CACNA1C: variants seen among roughly 807,000 people sequenced by gnomAD.
CACNA1C encodes the protein voltage-dependent L-type calcium channel subunit alpha-1C.
A neutral mutation model predicts 229.0 loss-of-function variants in CACNA1C; 30 were observed. The ratio of observed to expected loss-of-function variants is 0.13; its 90% confidence interval spans 0.10 to 0.18. The LOEUF (loss-of-function observed/expected upper bound fraction) is 0.18. Ranked by LOEUF, CACNA1C falls within the 10% of genes least tolerant of loss-of-function variation. The pLI is 1.00. For synonymous variants in CACNA1C, 1,114 were observed against 1,132.5 expected, an observed-to-expected ratio of 0.98 and a Z score of 0.33; for missense variants, 1,658 against 2,845.0, an observed-to-expected ratio of 0.58 and a Z score of 9.49.
intron 3 of CACNA1C, among the ~76,000 whole-genome samples, chr12:2,258,999 A>G (rs1318911231): frequency 1.3e-5 from 2 of 152,236 alleles, no homozygotes; most frequent in Non-Finnish European, 2.9e-5. Flanking sequence ...GAATTACACT[A>G]GTGAGTTCAG....
At chr12:2,148,325 T>C (rs1199888597) in intron 3 of CACNA1C, among the ~76,000 whole-genome samples, 7 of 151,278 alleles carry the variant, frequency 4.6e-5, no homozygotes, top group South Asian at 2.1e-4. Context: ...ATCCCACTTA[T>C]GGGCAAGAGG....
intron 1 of CACNA1C, among the ~76,000 whole-genome samples, chr12:2,065,293 T>C (rs1398711067): frequency 2.0e-5 from 3 of 152,256 alleles, no homozygotes; most frequent in Non-Finnish European, 4.4e-5. Context: ...TTTTGACCTA[T>C]GCCCAGCTGT....
At chr12:2,450,509 A>C (rs185783209) in intron 4 of CACNA1C, among the ~76,000 whole-genome samples, 16 of 128,764 alleles carry the variant, frequency 1.2e-4, no homozygotes, top group East Asian at 7.7e-4. Flanking sequence ...AGCCGAGATC[A>C]TGCCACTGCA....
intron 9 of CACNA1C, among the ~76,000 whole-genome samples, chr12:2,526,833 G>C (rs945244438): frequency 6.6e-6 from 1 of 152,140 alleles, no homozygotes; most frequent in Non-Finnish European, 1.5e-5. Context: ...AAAAATACAC[G>C]TCCATTGCAA....
chr12:2,603,246 C>A (rs1461589709), intron 22 of CACNA1C: 2 of 152,176 alleles, frequency 1.3e-5, no homozygotes, highest in Non-Finnish European at 2.9e-5. Context: ...TAAATCCCTT[C>A]CATTGTGATT....
chr12:2,154,984 G>A lies in CACNA1C; in HGVS notation c.477+34554G>A, dbSNP rs564216798. ...AAGCGGCCCATCCTGCCGTCCTAGAGTATAGGTGCCGTCTATCTCTGTGTG... is the reference window on the plus strand; with the variant it reads ...AAGCGGCCCATCCTGCCGTCCTAGAATATAGGTGCCGTCTATCTCTGTGTG... On this transcript the variant is annotated intron_variant, in intron 3 of 46. Transcript: ENST00000399655. Among the ~76,000 whole-genome samples, 4 of 152,318 alleles carry A rather than the reference G, an allele frequency of 2.6e-5. No homozygotes were observed. The East Asian group carries it at 7.7e-4, about 29-fold the overall frequency.
chr12:2,152,064 A>C lies in CACNA1C; in HGVS notation c.477+31634A>C, dbSNP rs112172295. ...AAACTTGAAACTCAGTCTCATTGCTATTTGTGGTAATGGTCATTTAGTTTC... is the reference window on the plus strand; with the variant it reads ...AAACTTGAAACTCAGTCTCATTGCTCTTTGTGGTAATGGTCATTTAGTTTC... On this transcript the variant is annotated intron_variant, in intron 3 of 46. Transcript: ENST00000399655. The surrounding 1 kb of genome is among the most constrained non-coding windows in gnomAD (Gnocchi z 4.2). Among the ~76,000 whole-genome samples, 1,715 of 152,238 alleles carry C rather than the reference A, an allele frequency of 0.011. 29 individuals are homozygous for C. The highest frequency in any genetic ancestry group is 0.039 in the African/African-American group (1,622 of 41,528).
chr12:2,006,034 A>G (rs2043353450), intron 1 of CACNA1C, among the ~76,000 whole-genome samples: 1 of 152,248 alleles, frequency 6.6e-6, no homozygotes, highest in Admixed American at 6.5e-5. Context: ...GGGTCTTTAA[A>G]GTTATTTTTA....
At chr12:2,535,704 T>TAAAA (rs758857733) in intron 9 of CACNA1C, among the ~76,000 whole-genome samples, 92 of 36,556 alleles carry the variant, frequency 2.5e-3, no homozygotes, top group African/African-American at 6.6e-3. Flanking sequence ...AGACCCTGTC[T>TAAAA]AAAAAAAAAA....
At chr12:2,610,209 A>T (rs1601982773) in intron 27 of CACNA1C, among the ~76,000 whole-genome samples, 1 of 152,166 alleles carries the variant, frequency 6.6e-6, no homozygotes, top group East Asian at 1.9e-4. Flanking sequence ...CAGGAAGCAC[A>T]TTCTTAGCGA....
In CACNA1C at chr12:2,486,326, GC is replaced by G; in HGVS notation, c.916+65del. 1 of 1,400,986 alleles carries G rather than the reference GC, an allele frequency of 7.1e-7. No homozygotes were observed. The highest frequency in any genetic ancestry group is 1.9e-5 in the Admixed American group (1 of 53,876). 86.8% of individuals were successfully genotyped at this position (1,400,986 alleles called of 1,614,324 possible). A position where few individuals can be genotyped will look rare whatever the true frequency, so the allele number is the denominator to read the frequency against. ...CTCTATCGCTCCCAGCACCTTTCCCGCTGCTGGCTACACCAACATGACCAGC... is the reference window on the plus strand; with the variant it reads ...CTCTATCGCTCCCAGCACCTTTCCCGTGCTGGCTACACCAACATGACCAGC... On this transcript the variant is annotated intron_variant, in intron 6 of 46. Coordinates refer to ENST00000399655, the MANE Select transcript of CACNA1C (RefSeq NM_000719.7). This position sits in a 1 kb window ranked among gnomAD's most constrained non-coding sequence, Gnocchi z 4.9.
chr12:2,032,271 C>T (rs1389116818), intron 1 of CACNA1C, among the ~76,000 whole-genome samples: 1 of 152,056 alleles, frequency 6.6e-6, no homozygotes, highest in Non-Finnish European at 1.5e-5. Context: ...GTATAACTCA[C>T]ATCAGCCTTA....
intron 3 of CACNA1C, among the ~76,000 whole-genome samples, chr12:2,292,800 G>A (rs2093641053): frequency 6.6e-6 from 1 of 152,182 alleles, no homozygotes; most frequent in Non-Finnish European, 1.5e-5. Flanking sequence ...GTCCAAGTGG[G>A]GATGTGGCTG....
At chr12:2,457,777 A>G (rs2099446620) in intron 5 of CACNA1C, 71 bp downstream of exon 5, 1 of 1,329,870 alleles carries the variant, frequency 7.5e-7, no homozygotes. Context: ...CTGAATTGCC[A>G]AGAACACTCT....
In CACNA1C at chr12:2,632,719, A is replaced by G; in HGVS notation, c.3829-1578A>G. ...TCCCCCAACCTACCAGCCTATCCCT[A>G]GCAAACCCATCCTCAGGAAACGCTT... On this transcript the variant is annotated intron_variant, in intron 29 of 46. Coordinates refer to ENST00000399655, the MANE Select transcript of CACNA1C (RefSeq NM_000719.7). The surrounding 1 kb of genome is among the most constrained non-coding windows in gnomAD (Gnocchi z 4.1). Among the ~76,000 whole-genome samples the G allele has an allele frequency of 6.6e-6, 1 of 152,034 alleles. No homozygotes were observed. The highest frequency in any genetic ancestry group is 1.5e-5 in the Non-Finnish European group (1 of 67,984).
chr12:2,391,148 G>A (rs7967959), intron 3 of CACNA1C, among the ~76,000 whole-genome samples: 11,601 of 152,254 alleles, frequency 0.076, 574 homozygotes, highest in Admixed American at 0.18. Context: ...CCAAGAAGAT[G>A]GGGTTTCCCT....
chr12:2,154,937 C>T lies in CACNA1C; in HGVS notation c.477+34507C>T, dbSNP rs144796030. On this transcript the variant is annotated intron_variant, in intron 3 of 46. Coordinates refer to ENST00000399655, the MANE Select transcript of CACNA1C (RefSeq NM_000719.7). ...TGGGGTATTCCCTCAGGCTGGTCTC[C>T]GGAGCCGGCTCTGTGCTCTGAAAGC... Among the ~76,000 whole-genome samples, 276 of 152,316 alleles carry T rather than the reference C, an allele frequency of 1.8e-3. 9 individuals are homozygous for T. The East Asian group carries it at 0.046, about 25-fold the overall frequency.
chr12:2,308,890 T>C (rs2095258235), intron 3 of CACNA1C, among the ~76,000 whole-genome samples: 1 of 152,074 alleles, frequency 6.6e-6, no homozygotes, highest in African/African-American at 2.4e-5. Flanking sequence ...ACACTGCCAG[T>C]GGGAATGAAA....
intron 9 of CACNA1C, among the ~76,000 whole-genome samples, chr12:2,534,608 G>A (rs1183437975): frequency 6.6e-6 from 1 of 152,014 alleles, no homozygotes; most frequent in Non-Finnish European, 1.5e-5. Flanking sequence ...CACCCCTGCA[G>A]CAAATGCTTA....
Sources: allele counts gnomAD v4.1 joint callset (sites outside exome capture counted in the v4.1 genomes callset), GRCh38; gene constraint gnomAD v4.1.1; non-coding constraint Gnocchi (gnomAD v3.1); transcripts MANE v1.5; gene names NCBI Gene and HGNC (gene_info 2026-07-23, HGNC 2026-07-21).